Variants in CAMTA1 observed in about 807,000 individuals in gnomAD.
CAMTA1 encodes calmodulin-binding transcription activator 1.
In CAMTA1, 27 loss-of-function variants were observed where a neutral mutation model predicts 170.9. That is an observed-to-expected ratio of 0.16 (90% CI 0.12 to 0.22). The LOEUF is 0.22. Among genes scored for constraint, CAMTA1 ranks in the 10% least tolerant of loss-of-function variants. The probability of loss-of-function intolerance (pLI) is 1.00; values close to 1 mark genes in which losing one functional copy is unlikely to be tolerated. For missense variants in CAMTA1, 1,619 were observed against 2,217.2 expected (o/e 0.73, Z 5.42); for synonymous variants, 833 against 891.5 (o/e 0.93, Z 1.17).
In CAMTA1 at chr1:7,007,725, G is replaced by A. The variant is rs972482569; in HGVS notation, c.235-83579G>A. On this transcript the variant is annotated intron_variant, in intron 3 of 22. Coordinates refer to ENST00000303635, the MANE Select transcript of CAMTA1 (RefSeq NM_015215.4). The surrounding 1 kb of genome is among the most constrained non-coding windows in gnomAD (Gnocchi z 4.5). Reference sequence around the variant, plus strand: ...GTGGGGCTCCCGGGGCGTCGCTTCTGCCTCTTCCAGTGCTTTCCGACCCTG... The same window carrying A: ...GTGGGGCTCCCGGGGCGTCGCTTCTACCTCTTCCAGTGCTTTCCGACCCTG... Among the ~76,000 whole-genome samples the A allele has an allele frequency of 6.6e-6, 1 of 152,154 alleles. No homozygotes were observed. The highest frequency in any genetic ancestry group is 1.5e-5 in the Non-Finnish European group (1 of 68,024).
rs541693171 is a variant in CAMTA1, at chr1:7,685,859, A to G, written c.2914+8126A>G. On this transcript the variant is annotated intron_variant, in intron 11 of 22. Coordinates refer to ENST00000303635, the MANE Select transcript of CAMTA1 (RefSeq NM_015215.4). This position sits in a 1 kb window ranked among gnomAD's most constrained non-coding sequence, Gnocchi z 5.7. The stretch of plus-strand genomic sequence containing the variant: ...AATGGCCGTTCTTTCTGTTTTCCCC[A>G]ACCTACCTCTCTGATAACATTCCTG... 4.6e-5 allele frequency among the ~76,000 whole-genome samples: 7 copies of G among 152,034 alleles called. No individual in the cohort carries two copies. Among genetic ancestry groups the G allele is most frequent in the African/African-American group, 1.7e-4 (7 of 41,458 alleles).
At chr1:6,871,222 C>T (rs1286592765) in intron 3 of CAMTA1, among the ~76,000 whole-genome samples, 1 of 151,634 alleles carries the variant, frequency 6.6e-6, no homozygotes, top group Non-Finnish European at 1.5e-5. Flanking sequence ...TTTTTTTTCC[C>T]CTGTGCAGTG....
intron 3 of CAMTA1, among the ~76,000 whole-genome samples, chr1:7,085,447 C>T (rs182458811): frequency 5.9e-5 from 9 of 152,332 alleles, no homozygotes; most frequent in East Asian, 1.9e-4. Context: ...CAGTGACAGA[C>T]GGACTGAGAC....
chr1:7,202,441 CAG>C (rs1157171261), intron 4 of CAMTA1, among the ~76,000 whole-genome samples: 8 of 152,188 alleles, frequency 5.3e-5, no homozygotes, highest in Non-Finnish European at 1.2e-4. Flanking sequence ...GGAATTCTCA[CAG>C]AGATTGAATT....
Position 7,661,793 on chromosome 1 carries a change from G to A in CAMTA1, c.732G>A (p.Val244=). The A allele has an allele frequency of 2.5e-6, 4 of 1,612,456 alleles. No homozygotes were observed. Among genetic ancestry groups the A allele is most frequent in the Non-Finnish European group, 2.5e-6 (3 of 1,179,514 alleles). Residue 244 remains valine, a synonymous_variant, in exon 8 of 23, where the codon GTG becomes GTA. Coordinates refer to ENST00000303635, the MANE Select transcript of CAMTA1 (RefSeq NM_015215.4). ...CAGGCTTCTCGGTGGAACAGCTGGTGCAGCAGATCCTCGACAGCCACCAGA... is the reference window on the plus strand; with the variant it reads ...CAGGCTTCTCGGTGGAACAGCTGGTACAGCAGATCCTCGACAGCCACCAGA... ...SSSGFSVEQL[V]QQILDSHQTK...
chr1:7,541,219 G>A (rs941875232), intron 6 of CAMTA1, among the ~76,000 whole-genome samples: 1 of 152,184 alleles, frequency 6.6e-6, no homozygotes, highest in Non-Finnish European at 1.5e-5. Flanking sequence ...TTTGGGATTT[G>A]TTTTCTGACC....
chr1:6,851,977 G>A (rs1333878605), intron 3 of CAMTA1, among the ~76,000 whole-genome samples: 2 of 146,836 alleles, frequency 1.4e-5, no homozygotes, highest in East Asian at 4.0e-4. Flanking sequence ...TCCCACCAAA[G>A]TACTCCAGCC....
chr1:7,717,755 A>G (rs1336984514), intron 11 of CAMTA1, among the ~76,000 whole-genome samples: 1 of 152,070 alleles, frequency 6.6e-6, no homozygotes, highest in Non-Finnish European at 1.5e-5. Context: ...AAAAACGGAT[A>G]TATTCTTATT....
chr1:7,124,721 G>A (rs1339721928), intron 4 of CAMTA1, among the ~76,000 whole-genome samples: 4 of 152,234 alleles, frequency 2.6e-5, no homozygotes, highest in African/African-American at 9.6e-5. Context: ...GAGTCCCCAC[G>A]GCGAAGCACG....
intron 7 of CAMTA1, among the ~76,000 whole-genome samples, chr1:7,648,542 G>T (rs1251189968): frequency 6.6e-6 from 1 of 152,228 alleles, no homozygotes; most frequent in Non-Finnish European, 1.5e-5. Context: ...CTGGCCAGCA[G>T]TGTTCACTTA....
At chr1:7,730,785 G>C (rs546461419) in intron 11 of CAMTA1, among the ~76,000 whole-genome samples, 1 of 152,192 alleles carries the variant, frequency 6.6e-6, no homozygotes, top group South Asian at 2.1e-4. Flanking sequence ...TGTAGTCCCA[G>C]CTACTTGGGT....
At chr1:7,188,026 G>C (rs1164945456) in intron 4 of CAMTA1, among the ~76,000 whole-genome samples, 1 of 152,212 alleles carries the variant, frequency 6.6e-6, no homozygotes, top group Non-Finnish European at 1.5e-5. Context: ...CATGGTGGAA[G>C]CTAAGGGGAA....
chr1:7,724,358 A>G (rs183686286), intron 11 of CAMTA1, among the ~76,000 whole-genome samples: 99 of 152,336 alleles, frequency 6.5e-4, no homozygotes, highest in Non-Finnish European at 1.1e-3. Flanking sequence ...TACATAAGAT[A>G]CCATGTTAGA....
intron 5 of CAMTA1, among the ~76,000 whole-genome samples, chr1:7,409,910 G>A (rs1271235107): frequency 6.6e-6 from 1 of 152,160 alleles, no homozygotes; most frequent in Non-Finnish European, 1.5e-5. Context: ...GTTGATGGGT[G>A]GGCTGAGGCC....
In CAMTA1 at chr1:7,443,301, C is replaced by T. The variant is rs1009543786; in HGVS notation, c.439-24529C>T. ...CAGGGACCAGGTCTGTTCTGGTCCC[C>T]ATCGCATGCTCAGCCCCAGCATCGG... On this transcript the variant is annotated intron_variant, in intron 5 of 22. Coordinates refer to ENST00000303635, the MANE Select transcript of CAMTA1 (RefSeq NM_015215.4). This position sits in a 1 kb window ranked among gnomAD's most constrained non-coding sequence, Gnocchi z 4.1. Among the ~76,000 whole-genome samples the T allele has an allele frequency of 2.0e-5, 3 of 152,226 alleles. No homozygotes were observed. The highest frequency in any genetic ancestry group is 4.4e-5 in the Non-Finnish European group (3 of 68,042).
intron 5 of CAMTA1, among the ~76,000 whole-genome samples, chr1:7,454,805 A>G (rs1224515389): frequency 1.3e-5 from 2 of 152,028 alleles, no homozygotes; most frequent in Non-Finnish European, 2.9e-5. Context: ...GCAAGGGGCA[A>G]AGTTCCTCAG....
intron 6 of CAMTA1, among the ~76,000 whole-genome samples, chr1:7,628,144 C>A (rs2095645855): frequency 6.6e-6 from 1 of 152,200 alleles, no homozygotes; most frequent in Non-Finnish European, 1.5e-5. Flanking sequence ...GTCTTCTCCC[C>A]TCAGCCCTGC....
chr1:6,926,325 C>A (rs988970057), intron 3 of CAMTA1, among the ~76,000 whole-genome samples: 2 of 148,386 alleles, frequency 1.3e-5, no homozygotes, highest in Non-Finnish European at 3.0e-5. Context: ...CCCCTCCCCT[C>A]CCCTCTCCTC....
chr1:7,113,487 C>T lies in CAMTA1; in HGVS notation c.302+22116C>T, dbSNP rs1481240751. Among the ~76,000 whole-genome samples, 1 of 152,182 alleles carries T rather than the reference C, an allele frequency of 6.6e-6. No individual in the cohort carries two copies. Among genetic ancestry groups the T allele is most frequent in the East Asian group, 1.9e-4 (1 of 5,194 alleles). On this transcript the variant is annotated intron_variant, in intron 4 of 22. Transcript: ENST00000303635. This position sits in a 1 kb window ranked among gnomAD's most constrained non-coding sequence, Gnocchi z 4.5. ...GGCCAGAGTGGCTCCCGGTCAGTGT[C>T]TAGGAATGGAGAGGGAGGAAGGAGG...
Sources: gnomAD v4.1 joint callset for allele counts (sites outside exome capture counted in the v4.1 genomes callset) on GRCh38, gnomAD v4.1.1 for gene constraint, Gnocchi (gnomAD v3.1) non-coding constraint, MANE v1.5 for transcripts, NCBI Gene and HGNC (gene_info 2026-07-23, HGNC 2026-07-21) for gene names.